The following EGFLAM variants were observed in gnomAD, a reference collection of about 807,000 sequenced individuals.
EGFLAM encodes EGF like, fibronectin type III and laminin G domains, also known as pikachurin.
EGFLAM carries 79 observed loss-of-function variants against 113.1 expected under a neutral mutation model. The observed-to-expected ratio is 0.70, with a 90% CI of 0.58 to 0.84. The LOEUF is 0.84. EGFLAM is among the 40% of genes least tolerant of loss of function. The pLI is 0.00. For missense variants in EGFLAM, 1,265 were observed against 1,291.6 expected, an observed-to-expected ratio of 0.98 and a Z score of 0.32; for synonymous variants, 504 against 487.6, an observed-to-expected ratio of 1.03 and a Z score of -0.44.
chr5:38,375,060 G>GTTTTTTTTTTTTT (rs74821426), intron 6 of EGFLAM, among the ~76,000 whole-genome samples: 2 of 107,742 alleles, frequency 1.9e-5, no homozygotes, highest in Admixed American at 9.1e-5. Context: ...CTCTGTTGTT[G>GTTTTTTTTTTTTT]TTTTTTTTTT....
intron 19 of EGFLAM, among the ~76,000 whole-genome samples, chr5:38,457,902 A>C (rs1743141351): frequency 6.6e-6 from 1 of 152,080 alleles, no homozygotes; most frequent in Non-Finnish European, 1.5e-5. Context: ...TAGAAGAATC[A>C]AATCCACAGA....
intron 11 of EGFLAM, among the ~76,000 whole-genome samples, chr5:38,416,973 C>T (rs73749230): frequency 0.11 from 16,755 of 152,196 alleles, 1,091 homozygotes; most frequent in East Asian, 0.24. Context: ...ACACTCTGAA[C>T]ATTTTATAAG....
chr5:38,276,484 C>T (rs1757888984), intron 1 of EGFLAM, among the ~76,000 whole-genome samples: 1 of 151,898 alleles, frequency 6.6e-6, no homozygotes, highest in African/African-American at 2.4e-5. Flanking sequence ...AGAAAGATAT[C>T]AATTAAATAA....
intron 19 of EGFLAM, 25 bp from the exon 20 acceptor site, chr5:38,458,286 G>GTCT (rs749579953): frequency 1.2e-6 from 2 of 1,609,020 alleles, no homozygotes; most frequent in African/African-American, 2.7e-5. Context: ...TCTGTTCTCT[G>GTCT]TCTTCTTCTT....
chr5:38,317,463 T>C (rs1411125696), intron 1 of EGFLAM, among the ~76,000 whole-genome samples: 2 of 152,154 alleles, frequency 1.3e-5, no homozygotes, highest in Admixed American at 6.5e-5. Context: ...AATTGTGCCC[T>C]GTAGGTCTGG....
intron 1 of EGFLAM, among the ~76,000 whole-genome samples, chr5:38,315,562 T>C (rs1738571379): frequency 6.6e-6 from 1 of 152,214 alleles, no homozygotes; most frequent in Admixed American, 6.5e-5. Flanking sequence ...CTTATATAGA[T>C]GTTCTGAAAT....
At chr5:38,385,676 C>G (rs1006085465) in intron 6 of EGFLAM, among the ~76,000 whole-genome samples, 46 of 152,212 alleles carry the variant, frequency 3.0e-4, no homozygotes, top group African/African-American at 1.0e-3. Context: ...CTCACCATTG[C>G]TAAATGCAGG....
intron 16 of EGFLAM, 151 bp downstream of exon 16, chr5:38,435,404 A>G (rs1050954086): frequency 1.6e-6 from 1 of 621,186 alleles, no homozygotes; most frequent in Non-Finnish European, 2.8e-6. Context: ...TGCCCACAGC[A>G]TGGCTTTCCA....
intron 17 of EGFLAM, among the ~76,000 whole-genome samples, chr5:38,446,603 G>A (rs1467684209): frequency 6.6e-6 from 1 of 152,084 alleles, no homozygotes; most frequent in Non-Finnish European, 1.5e-5. Flanking sequence ...CTTCATCTCC[G>A]GCCCTGCTAG....
At chr5:38,320,184 A>T (rs71621863) in intron 1 of EGFLAM, among the ~76,000 whole-genome samples, 1,545 of 152,300 alleles carry the variant, frequency 0.01, 10 homozygotes, top group South Asian at 0.014. Flanking sequence ...CTCACACAAG[A>T]CACTAGCTTC....
At chr5:38,425,142 G>A in intron 13 of EGFLAM, 50 bp downstream of exon 13, 10 of 1,590,288 alleles carry the variant, frequency 6.3e-6, no homozygotes, top group Non-Finnish European at 8.6e-6. Context: ...GTTAATTTGT[G>A]TAGATGTACT....
rs201343872 is a variant in EGFLAM at position 38,258,715 on chromosome 5, G to A, written c.-40G>A. On this transcript the variant is annotated 5_prime_UTR_variant, in exon 1 of 22. Transcript: ENST00000322350. ...CCCCGGAGACGCCCTTTCCGTGTGCGCCCGGGACTTGGTGAAACTTTGCAG... is the reference window on the plus strand; with the variant it reads ...CCCCGGAGACGCCCTTTCCGTGTGCACCCGGGACTTGGTGAAACTTTGCAG... 1 of 1,577,952 alleles carries A rather than the reference G, an allele frequency of 6.3e-7. No individual in the cohort carries two copies. The highest frequency in any genetic ancestry group is 2.3e-5 in the East Asian group (1 of 42,928).
intron 5 of EGFLAM, among the ~76,000 whole-genome samples, chr5:38,362,789 A>G (rs543922715): frequency 2.6e-5 from 4 of 152,198 alleles, no homozygotes; most frequent in Non-Finnish European, 5.9e-5. Context: ...GCCCTAATGG[A>G]AGGGCTACTC....
chr5:38,404,455 G>A (rs1741214635), intron 6 of EGFLAM, among the ~76,000 whole-genome samples: 2 of 152,160 alleles, frequency 1.3e-5, no homozygotes, highest in South Asian at 4.1e-4. Context: ...TTCACAGCCT[G>A]CAGAACTGTG....
intron 17 of EGFLAM, among the ~76,000 whole-genome samples, chr5:38,447,346 T>C (rs1379476740): frequency 6.6e-6 from 1 of 152,196 alleles, no homozygotes; most frequent in Non-Finnish European, 1.5e-5. Context: ...AACTACGTGA[T>C]CTCAGGCAAA....
intron 6 of EGFLAM, among the ~76,000 whole-genome samples, chr5:38,398,779 T>TA (rs919683943): frequency 2.0e-5 from 3 of 152,224 alleles, no homozygotes; most frequent in African/African-American, 7.2e-5. Context: ...GACCTGACAT[T>TA]ATTCCGTCTA....
intron 1 of EGFLAM, among the ~76,000 whole-genome samples, chr5:38,325,623 T>C (rs1364615149): frequency 2.0e-5 from 3 of 152,252 alleles, no homozygotes; most frequent in African/African-American, 7.2e-5. Flanking sequence ...ATCTTTCTCT[T>C]TTTAAAGAAA....
intron 17 of EGFLAM, among the ~76,000 whole-genome samples, chr5:38,448,065 G>A (rs1742776493): frequency 6.6e-6 from 1 of 152,174 alleles, no homozygotes; most frequent in Admixed American, 6.5e-5. Flanking sequence ...GCAGCGCTGA[G>A]GCCAGAGGCA....
intron 6 of EGFLAM, among the ~76,000 whole-genome samples, chr5:38,387,846 G>A (rs1023579309): frequency 6.6e-6 from 1 of 152,220 alleles, no homozygotes; most frequent in South Asian, 2.1e-4. Flanking sequence ...CTGTCTATGA[G>A]GTTTTCTTCT....
Sources: gnomAD v4.1 joint callset for allele counts (sites outside exome capture counted in the v4.1 genomes callset) on GRCh38, gnomAD v4.1.1 for gene constraint, MANE v1.5 for transcripts, NCBI Gene and HGNC (gene_info 2026-07-23, HGNC 2026-07-21) for gene names.